The following IDE variants were observed in gnomAD, a reference collection of about 807,000 sequenced individuals.
The protein encoded by IDE is insulin-degrading enzyme.
Under a neutral mutation model 133.2 loss-of-function variants are expected in IDE, and 58 were observed. That is an observed-to-expected ratio of 0.44 (90% CI 0.35 to 0.54). The LOEUF is 0.54. IDE is among the 20% of genes least tolerant of loss of function. IDE has a pLI of 0.00. For missense variants in IDE, 981 were observed against 1,234.0 expected, an observed-to-expected ratio of 0.79 and a Z score of 3.07; for synonymous variants, 396 against 421.3, an observed-to-expected ratio of 0.94 and a Z score of 0.73.
At chr10:92,504,734 C>A in intron 11 of IDE, 60 bp downstream of exon 11, 1 of 869,220 alleles carries the variant, frequency 1.2e-6, no homozygotes, top group East Asian at 2.5e-5. Flanking sequence ...CAAATTTTTT[C>A]AGATTCTAAT....
At chr10:92,548,019 T>G (rs1842604252) in intron 1 of IDE, among the ~76,000 whole-genome samples, 1 of 152,066 alleles carries the variant, frequency 6.6e-6, no homozygotes, top group African/African-American at 2.4e-5. Context: ...CCAAGTAGGA[T>G]GGTGTGCCAT....
At chr10:92,535,351 C>T (rs575388459) in intron 2 of IDE, among the ~76,000 whole-genome samples, 1 of 152,336 alleles carries the variant, frequency 6.6e-6, no homozygotes, top group Admixed American at 6.5e-5. Flanking sequence ...GATCCGCCAG[C>T]CTCGGCCTCC....
At chr10:92,510,285 T>A (rs927360723) in intron 5 of IDE, 123 bp from the exon 6 acceptor site, 3 of 499,328 alleles carry the variant, frequency 6.0e-6, no homozygotes, top group African/African-American at 5.9e-5. Context: ...GTGAAAATGA[T>A]TACACCTCAC....
At chr10:92,552,370 G>C (rs1185934975) in intron 1 of IDE, among the ~76,000 whole-genome samples, 2 of 152,112 alleles carry the variant, frequency 1.3e-5, no homozygotes, top group East Asian at 3.8e-4. Context: ...AATGGGAGAA[G>C]GCTACAATTG....
In IDE at chr10:92,487,034, C is replaced by G. The variant is rs549367541; in HGVS notation, c.1656+162G>C. On this transcript the variant is annotated intron_variant, in intron 13 of 24. Transcript: ENST00000265986. ...TGCTTGCTTTAATATTTTTAACCTT[C>G]TAATATTTTTTGTAGTTATTCTTTC... Among the ~76,000 whole-genome samples the G allele has an allele frequency of 3.9e-5, 6 of 152,274 alleles. No individual in the cohort carries two copies. In the South Asian group the frequency reaches 8.3e-4, roughly 21 times the overall value.
At chr10:92,566,500 G>A (rs568747791) in intron 1 of IDE, among the ~76,000 whole-genome samples, 10 of 151,606 alleles carry the variant, frequency 6.6e-5, no homozygotes, top group African/African-American at 1.9e-4. Context: ...AGTGAAATAC[G>A]CCAGGCACAG....
intron 22 of IDE, among the ~76,000 whole-genome samples, chr10:92,460,840 T>C (rs999766336): frequency 5.3e-5 from 8 of 152,146 alleles, no homozygotes; most frequent in Non-Finnish European, 4.4e-5. Flanking sequence ...GCACATACAA[T>C]AGGTGTTTTG....
At chr10:92,540,701 C>A (rs1405655715) in intron 1 of IDE, among the ~76,000 whole-genome samples, 1 of 152,124 alleles carries the variant, frequency 6.6e-6, no homozygotes, top group African/African-American at 2.4e-5. Flanking sequence ...TCTGTCCAAA[C>A]CACAACTGTG....
chr10:92,456,739 T>C (rs1034432215), intron 22 of IDE, among the ~76,000 whole-genome samples: 39 of 146,604 alleles, frequency 2.7e-4, no homozygotes, highest in Non-Finnish European at 2.1e-4. Flanking sequence ...CTTGGGAGGC[T>C]GAGGTGGGAG....
rs1376463760 is a variant in IDE, at chr10:92,454,019, C to A, written c.*425G>T. 1 of 153,568 alleles carries A rather than the reference C, an allele frequency of 6.5e-6. No individual in the cohort carries two copies. Among genetic ancestry groups the A allele is most frequent in the South Asian group, 2.0e-4 (1 of 4,918 alleles). 9.5% of individuals were successfully genotyped at this position (153,568 alleles called of 1,614,324 possible). ...TCAAGTAGAAAGCAAATTTGAGGAT[C>A]AATTTTTAAAAAGTTATTACCTTTC... On this transcript the variant is annotated 3_prime_UTR_variant, in exon 25 of 25. Coordinates refer to ENST00000265986, the MANE Select transcript of IDE (RefSeq NM_004969.4).
rs569909485 is a variant in IDE, at chr10:92,511,634, T to C, written c.785-1472A>G. On this transcript the variant is annotated intron_variant, in intron 5 of 24. Coordinates refer to ENST00000265986, the MANE Select transcript of IDE (RefSeq NM_004969.4). ...CCTTTATATGGTGTAAAATTCTCTT[T>C]TGTGCCTTTAAGTGTAGGCATTTGC... Among the ~76,000 whole-genome samples the C allele has an allele frequency of 3.3e-5, 5 of 152,296 alleles. No individual in the cohort carries two copies. The South Asian group carries it at 1.0e-3, about 32-fold the overall frequency.
intron 11 of IDE, among the ~76,000 whole-genome samples, chr10:92,503,863 T>A (rs1848159558): frequency 6.6e-6 from 1 of 151,864 alleles, no homozygotes; most frequent in African/African-American, 2.4e-5. Context: ...GGATTACAGA[T>A]GCATGCCACC....
At chr10:92,514,844 T>C (rs924146283) in intron 5 of IDE, 76 bp downstream of exon 5, 46 of 1,232,314 alleles carry the variant, frequency 3.7e-5, no homozygotes, top group Non-Finnish European at 4.9e-5. Context: ...CTTATATCCA[T>C]CTTCTAACAC....
At chr10:92,480,336 G>C (rs963374167) in intron 14 of IDE, among the ~76,000 whole-genome samples, 4 of 152,202 alleles carry the variant, frequency 2.6e-5, no homozygotes, top group Non-Finnish European at 4.4e-5. Context: ...TGGAAATAAA[G>C]AGTGAACAAA....
At chr10:92,481,119 A>C (rs1203767574) in intron 14 of IDE, among the ~76,000 whole-genome samples, 1 of 152,214 alleles carries the variant, frequency 6.6e-6, no homozygotes, top group African/African-American at 2.4e-5. Flanking sequence ...GGCACAATTC[A>C]CAAAAACAAA....
At position 92,537,418 on chromosome 10, in the gene IDE, A is replaced by T. The variant is rs969444865; in HGVS notation, c.231T>A (p.Leu77=). Residue 77 remains leucine, a synonymous_variant, in exon 2 of 25, where the codon CTT becomes CTA. Coordinates refer to ENST00000265986, the MANE Select transcript of IDE (RefSeq NM_004969.4). ...ACTTATCCGTGGTGGGATCACTGAT[A>T]AGAAGTACTTTGATACCATTGGCCA... ...LELANGIKVL[L]ISDPTTDKSS... 1.9e-6 allele frequency: 3 copies of T among 1,613,848 alleles called. No individual in the cohort carries two copies. Among genetic ancestry groups the T allele is most frequent in the Non-Finnish European group, 2.5e-6 (3 of 1,179,946 alleles).
chr10:92,524,513 TAA>T (rs1564648485), intron 4 of IDE, among the ~76,000 whole-genome samples: 1 of 78,912 alleles, frequency 1.3e-5, no homozygotes, highest in African/African-American at 5.1e-5. Flanking sequence ...ATATAATATA[TAA>T]TATATATTAT....
intron 1 of IDE, among the ~76,000 whole-genome samples, chr10:92,550,052 C>T (rs1419304154): frequency 1.3e-5 from 2 of 152,120 alleles, no homozygotes; most frequent in African/African-American, 4.8e-5. Context: ...CCTGCAATCC[C>T]AGCTACTCGG....
chr10:92,504,986 C>T, intron 10 of IDE, 89 bp from the exon 11 acceptor site: 1 of 626,020 alleles, frequency 1.6e-6, no homozygotes, highest in Non-Finnish European at 2.7e-6. Flanking sequence ...AAATTCATTA[C>T]TGTACACCCT....
Sources: gnomAD v4.1 joint callset for allele counts (sites outside exome capture counted in the v4.1 genomes callset) on GRCh38, gnomAD v4.1.1 for gene constraint, MANE v1.5 for transcripts, NCBI Gene and HGNC (gene_info 2026-07-23, HGNC 2026-07-21) for gene names.